PRKG2: variants seen among roughly 807,000 people sequenced by gnomAD.
The protein encoded by PRKG2 is protein kinase cGMP-dependent 2, also known as cGMP-dependent protein kinase 2.
A neutral mutation model predicts 97.2 loss-of-function variants in PRKG2; 33 were observed. That is an observed-to-expected ratio of 0.34 (90% CI 0.26 to 0.45). PRKG2 has a LOEUF of 0.45. Among genes scored for constraint, PRKG2 ranks in the 20% least tolerant of loss-of-function variants. The pLI is 1.00. For synonymous variants in PRKG2, 330 were observed against 321.8 expected (o/e 1.03, Z -0.27); for missense variants, 638 against 900.0 (o/e 0.71, Z 3.73).
At chr4:81,177,588 A>T (rs1253957833) in intron 2 of PRKG2, among the ~76,000 whole-genome samples, 1 of 152,104 alleles carries the variant, frequency 6.6e-6, no homozygotes, top group Admixed American at 6.5e-5. Context: ...CTGTAGTCCC[A>T]GCTGTGGAGG....
At chr4:81,115,413 CTTGT>C (rs900305367) in intron 14 of PRKG2, among the ~76,000 whole-genome samples, 1 of 152,136 alleles carries the variant, frequency 6.6e-6, no homozygotes, top group African/African-American at 2.4e-5. Flanking sequence ...CACTGTTCTC[CTTGT>C]TTATCTTCAG....
intron 7 of PRKG2, chr4:81,153,369 TA>T: frequency 3.6e-6 from 1 of 274,892 alleles, no homozygotes; most frequent in Admixed American, 5.0e-5. Context: ...ACCTTATAAA[TA>T]ATCCAGCCAT....
intron 2 of PRKG2, among the ~76,000 whole-genome samples, chr4:81,186,796 A>C (rs1325321012): frequency 6.6e-6 from 1 of 152,198 alleles, no homozygotes. Flanking sequence ...AGGGGATATC[A>C]ACACTGATCC....
At chr4:81,169,088 T>A in intron 5 of PRKG2, among the ~76,000 whole-genome samples, 1 of 151,976 alleles carries the variant, frequency 6.6e-6, no homozygotes, top group East Asian at 1.9e-4. Flanking sequence ...ATAAATTGAT[T>A]CATCCAAGGT....
At chr4:81,155,177 C>CAAAAAAAAAAAAAAAAAA (rs57874087) in intron 6 of PRKG2, among the ~76,000 whole-genome samples, 4 of 74,356 alleles carry the variant, frequency 5.4e-5, no homozygotes, top group East Asian at 1.3e-3. Flanking sequence ...GACTCCGTCT[C>CAAAAAAAAAAAAAAAAAA]AAAAAAAAAA....
rs547943840 is a variant in PRKG2 at position 81,204,932 on chromosome 4, C to T, written c.116G>A (p.Arg39Lys). ...CCGCTCCTGGATCTCAGCATCCTTC[C>T]TCCTCAACTCTCTCTCCAGCTCTGT... ...KVTELERELR[R>K]KDAEIQEREY... Residue 39 changes from arginine (R) to lysine (K), a missense_variant, in exon 2 of 19, where the codon AGG becomes AAG. Arg to Lys is a conservative substitution (Grantham distance 26). Around this residue, in one of 3 missense-constraint regions of PRKG2, gnomAD observed 332 missense variants for 421.7 expected, o/e 0.79. Transcript: ENST00000264399. 4 of 1,614,164 alleles carry T rather than the reference C, an allele frequency of 2.5e-6. No individual in the cohort carries two copies. The highest frequency in any genetic ancestry group is 2.7e-5 in the African/African-American group (2 of 75,036).
At chr4:81,154,289 G>A (rs1748752568) in intron 6 of PRKG2, 1 of 153,874 alleles carries the variant, frequency 6.5e-6, no homozygotes, top group African/African-American at 2.4e-5. Context: ...AGGCCTGCCT[G>A]CCTCTGTAGG....
At chr4:81,186,630 A>C (rs1040877258) in intron 2 of PRKG2, among the ~76,000 whole-genome samples, 5 of 152,188 alleles carry the variant, frequency 3.3e-5, no homozygotes, top group African/African-American at 9.6e-5. Flanking sequence ...ATCAGAACAG[A>C]ACTGAAGGAG....
chr4:81,192,386 A>G (rs1752618051), intron 2 of PRKG2: 1 of 152,230 alleles, frequency 6.6e-6, no homozygotes, highest in African/African-American at 2.4e-5. Flanking sequence ...TTTGGTGGTC[A>G]CATGGGTATG....
chr4:81,152,599 C>T (rs1360282536), intron 7 of PRKG2, among the ~76,000 whole-genome samples: 4 of 152,084 alleles, frequency 2.6e-5, no homozygotes, highest in Admixed American at 2.6e-4. Flanking sequence ...TAAGAACCCC[C>T]CACCCAGCAG....
chr4:81,178,308 C>T (rs543791102), intron 2 of PRKG2, among the ~76,000 whole-genome samples: 1 of 152,024 alleles, frequency 6.6e-6, no homozygotes, highest in South Asian at 2.1e-4. Context: ...CTCAAATTTT[C>T]TCCACAGTTT....
chr4:81,173,489 G>T (rs1750665359), intron 3 of PRKG2, among the ~76,000 whole-genome samples: 1 of 152,088 alleles, frequency 6.6e-6, no homozygotes, highest in Non-Finnish European at 1.5e-5. Flanking sequence ...ATACTCTAGT[G>T]TTGCTAAAGC....
At chr4:81,175,177 C>T (rs1750816149) in intron 2 of PRKG2, among the ~76,000 whole-genome samples, 2 of 152,006 alleles carry the variant, frequency 1.3e-5, no homozygotes, top group Non-Finnish European at 2.9e-5. Flanking sequence ...TTCTGATAGT[C>T]ATCATGACAC....
chr4:81,192,639 G>A (rs995730037), intron 2 of PRKG2, among the ~76,000 whole-genome samples: 5 of 152,114 alleles, frequency 3.3e-5, no homozygotes, highest in Non-Finnish European at 7.3e-5. Context: ...GGAATATTAT[G>A]CACATTAACT....
chr4:81,208,156 T>A (rs192871665), intron 1 of PRKG2, among the ~76,000 whole-genome samples: 1 of 152,258 alleles, frequency 6.6e-6, no homozygotes, highest in East Asian at 1.9e-4. Context: ...TTCTATATAT[T>A]CCTAAAAATC....
At chr4:81,103,880 A>C (rs1417958812) in intron 17 of PRKG2, among the ~76,000 whole-genome samples, 1 of 151,906 alleles carries the variant, frequency 6.6e-6, no homozygotes, top group African/African-American at 2.4e-5. Context: ...AAAATACAAA[A>C]ATCAGCTGGG....
At chr4:81,162,649 C>A (rs982152325) in intron 6 of PRKG2, among the ~76,000 whole-genome samples, 5 of 152,044 alleles carry the variant, frequency 3.3e-5, no homozygotes, top group African/African-American at 9.7e-5. Flanking sequence ...TTACTCAAAC[C>A]CTTCATCCCT....
At chr4:81,126,012 T>C (rs1326183613) in intron 14 of PRKG2, among the ~76,000 whole-genome samples, 1 of 152,146 alleles carries the variant, frequency 6.6e-6, no homozygotes, top group African/African-American at 2.4e-5. Context: ...TTTCTCCTAA[T>C]GCTATCCCTC....
intron 2 of PRKG2, among the ~76,000 whole-genome samples, chr4:81,178,161 C>T (rs578084610): frequency 3.3e-5 from 5 of 150,298 alleles, no homozygotes; most frequent in African/African-American, 1.2e-4. Flanking sequence ...GCAAAATAGG[C>T]TAGCTCTCAA....
Sources: gnomAD v4.1 joint callset for allele counts (sites outside exome capture counted in the v4.1 genomes callset) on GRCh38, gnomAD v4.1.1 for gene constraint, gnomAD v4.1.1 regional missense constraint, MANE v1.5 for transcripts, NCBI Gene and HGNC (gene_info 2026-07-23, HGNC 2026-07-21) for gene names.